Variants in ZC3H12B observed in about 807,000 individuals in gnomAD.
ZC3H12B encodes the protein zinc finger CCCH-type containing 12B.
In ZC3H12B, 7 loss-of-function variants were observed where a neutral mutation model predicts 43.9. That is an observed-to-expected ratio of 0.16 (90% CI 0.09 to 0.30). The LOEUF is 0.30. Ranked by LOEUF, ZC3H12B falls within the 10% of genes least tolerant of loss-of-function variation. ZC3H12B has a pLI of 1.00. For missense variants in ZC3H12B, 475 were observed against 670.2 expected, an observed-to-expected ratio of 0.71 and a Z score of 3.22; for synonymous variants, 222 against 241.7, an observed-to-expected ratio of 0.92 and a Z score of 0.76.
the ZC3H12B span, among the ~76,000 whole-genome samples, chrX:65,337,040 C>T: frequency 4.0e-4 from 45 of 112,215 alleles, no homozygotes; most frequent in Middle Eastern, 9.1e-3. Flanking sequence ...CTAAGTTGAG[C>T]CCTGAACCCA....
At chrX:65,103,307 G>A in the ZC3H12B span, among the ~76,000 whole-genome samples, 9 of 112,002 alleles carry the variant, frequency 8.0e-5, no homozygotes, top group East Asian at 1.7e-3. Context: ...TTTGTAAGAA[G>A]AGAAATATGG....
chrX:65,161,589 G>T, the ZC3H12B span, among the ~76,000 whole-genome samples: 21 of 111,383 alleles, frequency 1.9e-4, no homozygotes, highest in Non-Finnish European at 3.2e-4. Flanking sequence ...TGCAACCCCT[G>T]CCTTTTTTTG....
upstream of ZC3H12B, among the ~76,000 whole-genome samples, chrX:65,483,762 G>A (rs1303305219): frequency 8.9e-6 from 1 of 112,004 alleles, no homozygotes; most frequent in African/African-American, 3.2e-5. Flanking sequence ...GTGATGATTT[G>A]ATACAATACA....
chrX:65,169,673 C>G, the ZC3H12B span, among the ~76,000 whole-genome samples: 1 of 111,649 alleles, frequency 9.0e-6, no homozygotes, highest in Non-Finnish European at 1.9e-5. Context: ...TAGTCTAAGT[C>G]TCTTTGTAAG....
At chrX:65,179,432 G>A in the ZC3H12B span, among the ~76,000 whole-genome samples, 1 of 109,257 alleles carries the variant, frequency 9.2e-6, no homozygotes, top group Admixed American at 9.8e-5. Context: ...CTAAAAAAGG[G>A]CTAGAGAAGC....
chrX:65,389,355 C>T (rs1448062134), intron 2 of ZC3H12B, among the ~76,000 whole-genome samples: 4 of 112,412 alleles, frequency 3.6e-5, no homozygotes, highest in African/African-American at 1.3e-4. Flanking sequence ...GTCCCCCAGC[C>T]TCGCTGCCAC....
chrX:65,426,294 C>T (rs189471135), intron 3 of ZC3H12B, among the ~76,000 whole-genome samples: 1 of 105,128 alleles, frequency 9.5e-6, no homozygotes, highest in East Asian at 3.0e-4. Flanking sequence ...TCTGTGGTGT[C>T]AGTGGTGATA....
At chrX:65,502,252 C>G in exon 5 of ZC3H12B, 1 of 1,211,597 alleles carries the variant, frequency 8.3e-7, no homozygotes, top group Non-Finnish European at 1.1e-6. Flanking sequence ...ATCCTCCCAT[C>G]TTGGTTACCA....
chrX:65,490,067 A>G (rs768074010), intron 1 of ZC3H12B, among the ~76,000 whole-genome samples: 12 of 112,052 alleles, frequency 1.1e-4, no homozygotes, highest in African/African-American at 2.3e-4. Flanking sequence ...CTGAACTACA[A>G]TATCTGTGGT....
rs12558967 is a variant in ZC3H12B at position 65,478,972 on chromosome X, G to T, written n.408-9674G>T. 7.0e-3 allele frequency among the ~76,000 whole-genome samples: 783 copies of T among 112,250 alleles called. 23 individuals carry two copies. The highest frequency in any genetic ancestry group is 0.053 in the Admixed American group (553 of 10,498). Reference sequence around the variant, plus strand: ...TGTTATTACCCCATCAGGCAGCTGTGATATTTTTTTAAAGTGTCTCTAATT... The same window carrying T: ...TGTTATTACCCCATCAGGCAGCTGTTATATTTTTTTAAAGTGTCTCTAATT... On this transcript the variant is annotated intron_variant and non_coding_transcript_variant, in intron 3 of 5. Transcript: ENST00000617377.
At chrX:65,042,275 A>G in the ZC3H12B span, among the ~76,000 whole-genome samples, 1 of 112,254 alleles carries the variant, frequency 8.9e-6, no homozygotes, top group Admixed American at 9.4e-5. Flanking sequence ...ACATGTGTGA[A>G]AAAACTTGGC....
Position 65,472,998 on chromosome X carries a change from GTATA to G in ZC3H12B, n.408-15632_408-15629del, listed in dbSNP as rs370502555. Among the ~76,000 whole-genome samples the G allele has an allele frequency of 1.4e-3, 112 of 77,775 alleles. 1 individual carries two copies. The East Asian group carries it at 0.034, about 24-fold the overall frequency. 67.5% of individuals were successfully genotyped at this position (77,775 alleles called of 115,157 possible). ...TGTGTATATATATATATATATATAT[GTATA>G]TATATATATATATATCTGTTTGTTT... On this transcript the variant is annotated intron_variant and non_coding_transcript_variant, in intron 3 of 5. Transcript: ENST00000617377.
the ZC3H12B span, among the ~76,000 whole-genome samples, chrX:65,215,014 C>G: frequency 9.0e-6 from 1 of 111,162 alleles, no homozygotes; most frequent in Non-Finnish European, 1.9e-5. Context: ...GTAATATTTC[C>G]AAAAGAATTC....
At chrX:65,223,459 CAGAT>C in the ZC3H12B span, among the ~76,000 whole-genome samples, 1 of 112,251 alleles carries the variant, frequency 8.9e-6, no homozygotes, top group African/African-American at 3.2e-5. Flanking sequence ...GCAACAAAGA[CAGAT>C]AAATAGATGG....
the ZC3H12B span, among the ~76,000 whole-genome samples, chrX:65,207,299 A>G: frequency 9.2e-6 from 1 of 108,513 alleles, no homozygotes; most frequent in African/African-American, 3.3e-5. Flanking sequence ...TCTACTACTC[A>G]CCCATAAAAA....
At chrX:65,401,026 A>G (rs1258352015) in intron 3 of ZC3H12B, among the ~76,000 whole-genome samples, 2 of 110,061 alleles carry the variant, frequency 1.8e-5, no homozygotes, top group Non-Finnish European at 3.8e-5. Flanking sequence ...GGCAGAATAG[A>G]AGGCTCCACC....
the ZC3H12B span, among the ~76,000 whole-genome samples, chrX:65,323,982 T>A: frequency 8.9e-6 from 1 of 112,517 alleles, no homozygotes; most frequent in South Asian, 3.6e-4. Context: ...CTTGGCCGCA[T>A]AGATGTTGTC....
At chrX:65,142,946 T>A in the ZC3H12B span, among the ~76,000 whole-genome samples, 306 of 112,024 alleles carry the variant, frequency 2.7e-3, 3 homozygotes, top group African/African-American at 9.4e-3. Context: ...GCCTCCAGAT[T>A]TTTTCTTTTT....
At chrX:65,317,255 T>TA in the ZC3H12B span, among the ~76,000 whole-genome samples, 103 of 98,278 alleles carry the variant, frequency 1.0e-3, no homozygotes, top group Middle Eastern at 5.1e-3. Flanking sequence ...CTCAACCAAT[T>TA]AAAAAAAAAA....
Sources: gnomAD v4.1 joint callset for allele counts (sites outside exome capture counted in the v4.1 genomes callset) on GRCh38, gnomAD v4.1.1 for gene constraint, MANE v1.5 for transcripts, NCBI Gene and HGNC (gene_info 2026-07-23, HGNC 2026-07-21) for gene names.